Variants in GJC1 observed in about 807,000 individuals in gnomAD.
GJC1 encodes gap junction gamma-1 protein.
GJC1 carries 5 observed loss-of-function variants against 29.3 expected under a neutral mutation model. The ratio of observed to expected loss-of-function variants is 0.17; its 90% confidence interval spans 0.09 to 0.36. GJC1 has a LOEUF of 0.36. GJC1 is among the 10% of genes least tolerant of loss of function. The pLI, the probability that GJC1 is intolerant of heterozygous loss-of-function variation, is 1.00. For synonymous variants in GJC1, 177 were observed against 183.3 expected (o/e 0.97, Z 0.28); for missense variants, 310 against 496.2 (o/e 0.62, Z 3.56).
chr17:44,800,004 G>A lies in GJC1; in HGVS notation c.*4623C>T, dbSNP rs2049823687. The A allele has an allele frequency of 6.6e-6, 1 of 152,200 alleles. No homozygotes were observed. The highest frequency in any genetic ancestry group is 1.5e-5 in the Non-Finnish European group (1 of 68,036). The allele number at this position is 152,200 out of a possible 1,614,324, so 9.4% of individuals were successfully genotyped here. A position where few individuals can be genotyped will look rare whatever the true frequency, so the allele number is the denominator to read the frequency against. ...CATGATGTGGCCGGAATGAGTACAA[G>A]TATGCAATTCAATGATTCCAACATT... On this transcript the variant is annotated 3_prime_UTR_variant, in exon 3 of 3. Coordinates refer to ENST00000592524, the MANE Select transcript of GJC1 (RefSeq NM_005497.4).
chr17:44,823,322 G>C (rs189467201), intron 1 of GJC1, among the ~76,000 whole-genome samples: 67 of 144,086 alleles, frequency 4.7e-4, no homozygotes, highest in African/African-American at 1.6e-3. Flanking sequence ...TGTGATCTCA[G>C]CTCACTGCAA....
chr17:44,823,248 G>GTTTTTTTTTT (rs10710605), intron 1 of GJC1, among the ~76,000 whole-genome samples: 5 of 117,832 alleles, frequency 4.2e-5, no homozygotes, highest in African/African-American at 1.7e-4. Flanking sequence ...TTTCTTTCCT[G>GTTTTTTTTTT]TTTTTTTTTT....
chr17:44,798,621 A>C lies in GJC1; in HGVS notation c.*6006T>G, dbSNP rs1436999636. 6.6e-6 allele frequency: 1 copy of C among 152,248 alleles called. No homozygotes were observed. The highest frequency in any genetic ancestry group is 1.9e-4 in the East Asian group (1 of 5,204). The allele number at this position is 152,248 out of a possible 1,614,324, so 9.4% of individuals were successfully genotyped here. A position where few individuals can be genotyped will look rare whatever the true frequency, so the allele number is the denominator to read the frequency against. On this transcript the variant is annotated 3_prime_UTR_variant, in exon 3 of 3. Transcript: ENST00000592524. ...TTCCTTAGCTGTTCATGCAATATCC[A>C]AACTGCACACCACATGACATTAGAT...
chr17:44,808,489 G>A (rs964545350), intron 1 of GJC1, among the ~76,000 whole-genome samples: 4 of 151,360 alleles, frequency 2.6e-5, no homozygotes, highest in African/African-American at 4.9e-5. Flanking sequence ...TCTGGCTCAC[G>A]CCTGTAATCC....
chr17:44,798,060 G>T (rs1050203437), downstream of GJC1, among the ~76,000 whole-genome samples: 1 of 152,130 alleles, frequency 6.6e-6, no homozygotes. Context: ...CTCCAGAACC[G>T]AGGGAAGTCA....
chr17:44,816,113 A>C (rs1322649821), intron 1 of GJC1, among the ~76,000 whole-genome samples: 1 of 39,328 alleles, frequency 2.5e-5, no homozygotes, highest in South Asian at 1.0e-3. Context: ...ACTCCGTCTC[A>C]AAAAAAAAAA....
chr17:44,823,690 A>G (rs1597759441), intron 1 of GJC1, among the ~76,000 whole-genome samples: 1 of 150,088 alleles, frequency 6.7e-6, no homozygotes, highest in African/African-American at 2.4e-5. Flanking sequence ...GGTGTGAGGC[A>G]CCATGCCTGG....
Position 44,805,838 on chromosome 17 carries a change from C to T in GJC1, c.-20-1G>A. 7.2e-7 allele frequency: 1 copy of T among 1,387,006 alleles called. No homozygotes were observed. The highest frequency in any genetic ancestry group is 1.3e-5 in the South Asian group (1 of 77,680). 85.9% of individuals were successfully genotyped at this position (1,387,006 alleles called of 1,614,324 possible). The stretch of plus-strand genomic sequence containing the variant: ...CTCATGGTGATTGAATTGGTATGCC[C>T]TGATAAAAGTGGAAAAATACCAAAA... On this transcript the variant is annotated splice_acceptor_variant, in intron 2 of 2. Transcript: ENST00000592524. LOFTEE classifies it low-confidence loss of function (5UTR_SPLICE). This position sits in a 1 kb window ranked among gnomAD's most constrained non-coding sequence, Gnocchi z 5.1.
chr17:44,828,513 C>T (rs371184644), intron 1 of GJC1, among the ~76,000 whole-genome samples: 2 of 152,166 alleles, frequency 1.3e-5, no homozygotes, highest in Non-Finnish European at 2.9e-5. Context: ...CATACAACTT[C>T]TATGTATCTC....
At chr17:44,809,702 C>T (rs894245201) in intron 1 of GJC1, among the ~76,000 whole-genome samples, 2 of 151,944 alleles carry the variant, frequency 1.3e-5, no homozygotes, top group Non-Finnish European at 2.9e-5. Flanking sequence ...TCCCGAGTAG[C>T]TGGGATTACA....
intron 1 of GJC1, among the ~76,000 whole-genome samples, chr17:44,812,523 C>A (rs980921863): frequency 4.6e-5 from 7 of 152,164 alleles, no homozygotes; most frequent in African/African-American, 1.7e-4. Context: ...CAAACACACA[C>A]AAAAAAACCC....
chr17:44,811,697 A>T (rs1255330710), intron 1 of GJC1, among the ~76,000 whole-genome samples: 1 of 151,998 alleles, frequency 6.6e-6, no homozygotes, highest in African/African-American at 2.4e-5. Flanking sequence ...TCTTTCTCTT[A>T]ATATAATTCT....
chr17:44,819,385 G>A (rs930664445), intron 1 of GJC1, among the ~76,000 whole-genome samples: 24 of 152,040 alleles, frequency 1.6e-4, no homozygotes, highest in African/African-American at 3.9e-4. Context: ...TTGGCCAGGC[G>A]CGGTGGCTCA....
intron 1 of GJC1, among the ~76,000 whole-genome samples, chr17:44,808,100 T>C (rs1424413072): frequency 6.6e-6 from 1 of 152,194 alleles, no homozygotes; most frequent in South Asian, 2.1e-4. Context: ...CAACTCTGCA[T>C]AGCTCTGGCC....
At chr17:44,820,592 G>A (rs957638783) in intron 1 of GJC1, among the ~76,000 whole-genome samples, 4 of 152,106 alleles carry the variant, frequency 2.6e-5, no homozygotes, top group East Asian at 1.9e-4. Flanking sequence ...CTTCCCAAAC[G>A]ATCATTTCAG....
intron 1 of GJC1, among the ~76,000 whole-genome samples, chr17:44,817,894 A>C (rs968101673): frequency 6.6e-6 from 1 of 151,846 alleles, no homozygotes; most frequent in African/African-American, 2.4e-5. Flanking sequence ...CCCTAATCCC[A>C]ATCTTCAGGA....
chr17:44,794,314 T>C (rs975818117), downstream of GJC1: 4 of 152,282 alleles, frequency 2.6e-5, no homozygotes. Context: ...TCTCGATCAC[T>C]TCCCGATGGT....
intron 1 of GJC1, among the ~76,000 whole-genome samples, chr17:44,817,333 G>C (rs1357023717): frequency 6.6e-6 from 1 of 151,962 alleles, no homozygotes; most frequent in Admixed American, 6.6e-5. Flanking sequence ...TTGACCACTC[G>C]CTAGTAAAGA....
intron 1 of GJC1, among the ~76,000 whole-genome samples, chr17:44,821,713 A>C (rs1399974281): frequency 3.9e-4 from 58 of 148,838 alleles, no homozygotes; most frequent in East Asian, 3.1e-3. Context: ...AAAAAAAAAA[A>C]AAAAAAAAAA....
Sources: gnomAD v4.1 joint callset for allele counts (sites outside exome capture counted in the v4.1 genomes callset) on GRCh38, gnomAD v4.1.1 for gene constraint, Gnocchi (gnomAD v3.1) non-coding constraint, MANE v1.5 for transcripts, NCBI Gene and HGNC (gene_info 2026-07-23, HGNC 2026-07-21) for gene names.